Variants in BTBD9 observed in about 807,000 individuals in gnomAD.
The protein encoded by BTBD9 is BTB domain containing 9.
BTBD9 carries 49 observed loss-of-function variants against 64.3 expected under a neutral mutation model. The observed-to-expected ratio is 0.76, with a 90% CI of 0.61 to 0.97. The LOEUF (loss-of-function observed/expected upper bound fraction) is 0.97. Among genes scored for constraint, BTBD9 ranks in the 50% least tolerant of loss-of-function variants. The probability of loss-of-function intolerance (pLI) is 0.00; values close to 1 mark genes in which losing one functional copy is unlikely to be tolerated. For synonymous variants in BTBD9, 260 were observed against 274.7 expected (o/e 0.95, Z 0.53); for missense variants, 598 against 762.1 (o/e 0.78, Z 2.53).
chr6:38,512,716 C>T (rs947737793), intron 6 of BTBD9, among the ~76,000 whole-genome samples: 4 of 152,286 alleles, frequency 2.6e-5, no homozygotes, highest in East Asian at 3.9e-4. Context: ...TCTTCATTAC[C>T]TTTAAGAAGT....
At chr6:38,275,983 C>A (rs983691292) in intron 8 of BTBD9, among the ~76,000 whole-genome samples, 5 of 152,052 alleles carry the variant, frequency 3.3e-5, no homozygotes, top group African/African-American at 9.7e-5. Context: ...TTTGACCCAG[C>A]CATCCCATTA....
chr6:38,196,484 T>C (rs999497581), intron 9 of BTBD9, among the ~76,000 whole-genome samples: 2 of 152,224 alleles, frequency 1.3e-5, no homozygotes, highest in Non-Finnish European at 2.9e-5. Flanking sequence ...CAGTATATGA[T>C]TCAATGATTA....
chr6:38,562,310 C>T (rs1205535624), intron 6 of BTBD9, among the ~76,000 whole-genome samples: 1 of 152,180 alleles, frequency 6.6e-6, no homozygotes, highest in Non-Finnish European at 1.5e-5. Flanking sequence ...AGTATTTAAA[C>T]ATGCTTTAGC....
chr6:38,477,694 GAATC>G (rs1770951489), intron 6 of BTBD9, among the ~76,000 whole-genome samples: 1 of 152,218 alleles, frequency 6.6e-6, no homozygotes, highest in Non-Finnish European at 1.5e-5. Context: ...GAATAGGAAA[GAATC>G]AATGCTGATT....
chr6:38,327,358 C>T (rs917029668), intron 7 of BTBD9, among the ~76,000 whole-genome samples: 9 of 152,094 alleles, frequency 5.9e-5, no homozygotes, highest in Admixed American at 3.3e-4. Flanking sequence ...CCTGTTATAT[C>T]GGATTATGAA....
At chr6:38,527,752 A>T (rs1026535323) in intron 6 of BTBD9, among the ~76,000 whole-genome samples, 1 of 145,868 alleles carries the variant, frequency 6.9e-6, no homozygotes, top group African/African-American at 2.7e-5. Flanking sequence ...AGTCAGAATC[A>T]TAATCAGAAA....
chr6:38,178,707 G>T (rs1761395951), intron 10 of BTBD9, among the ~76,000 whole-genome samples: 1 of 150,468 alleles, frequency 6.6e-6, no homozygotes, highest in Admixed American at 6.6e-5. Flanking sequence ...AAGCCAAAGG[G>T]TGGCAACAGA....
chr6:38,195,109 C>CA (rs751430054), intron 9 of BTBD9, among the ~76,000 whole-genome samples: 23 of 152,200 alleles, frequency 1.5e-4, no homozygotes, highest in Non-Finnish European at 3.1e-4. Context: ...TGTCTCCCCC[C>CA]ATCAGATTCC....
intron 8 of BTBD9, among the ~76,000 whole-genome samples, chr6:38,268,562 C>A (rs1202486403): frequency 6.6e-6 from 1 of 152,186 alleles, no homozygotes; most frequent in Admixed American, 6.5e-5. Flanking sequence ...CACGTAATCT[C>A]TCTATTTTTG....
intron 7 of BTBD9, among the ~76,000 whole-genome samples, chr6:38,319,422 G>A (rs1169119859): frequency 6.6e-6 from 1 of 152,030 alleles, no homozygotes; most frequent in Non-Finnish European, 1.5e-5. Flanking sequence ...ATGTCTTAGA[G>A]TCTCACCCAA....
At chr6:38,605,576 TC>T (rs1777404479) in intron 1 of BTBD9, among the ~76,000 whole-genome samples, 1 of 152,218 alleles carries the variant, frequency 6.6e-6, no homozygotes, top group Non-Finnish European at 1.5e-5. Flanking sequence ...AATTAAATTC[TC>T]TCTCACAAAA....
chr6:38,435,293 T>C (rs1582424802), intron 6 of BTBD9, among the ~76,000 whole-genome samples: 1 of 151,292 alleles, frequency 6.6e-6, no homozygotes, highest in Admixed American at 6.6e-5. Flanking sequence ...CTTAGGTTTA[T>C]GGCGCAAGAC....
At chr6:38,234,976 A>G (rs888873901) in intron 9 of BTBD9, among the ~76,000 whole-genome samples, 9 of 152,208 alleles carry the variant, frequency 5.9e-5, no homozygotes, top group East Asian at 1.9e-4. Flanking sequence ...ACTTTCATAC[A>G]TGCACCCCTT....
rs189825382 is a variant in BTBD9 at position 38,209,875 on chromosome 6, C to G, written c.1563-17278G>C. 2.8e-3 allele frequency among the ~76,000 whole-genome samples: 425 copies of G among 152,286 alleles called. 3 individuals are homozygous for G. The highest frequency in any genetic ancestry group is 0.01 in the African/African-American group (416 of 41,546). ...GACTTCTGTCTGGTAAATGCACTTG[C>G]ATCTACTGCTCTAACGTAAGCCAAT... On this transcript the variant is annotated intron_variant, in intron 9 of 10. Coordinates refer to ENST00000481247, the MANE Select transcript of BTBD9 (RefSeq NM_001099272.2).
At chr6:38,311,594 T>C (rs1762837491) in intron 7 of BTBD9, among the ~76,000 whole-genome samples, 1 of 152,204 alleles carries the variant, frequency 6.6e-6, no homozygotes, top group South Asian at 2.1e-4. Flanking sequence ...TGGGTACATA[T>C]CTAAAAGTGG....
intron 6 of BTBD9, among the ~76,000 whole-genome samples, chr6:38,432,997 T>C (rs776584339): frequency 6.6e-6 from 1 of 152,004 alleles, no homozygotes; most frequent in Non-Finnish European, 1.5e-5. Flanking sequence ...CTTTTCTTTA[T>C]AAATTACCCA....
chr6:38,322,549 G>C (rs567410126), intron 7 of BTBD9, among the ~76,000 whole-genome samples: 1 of 152,224 alleles, frequency 6.6e-6, no homozygotes, highest in South Asian at 2.1e-4. Context: ...GTTTATCAAA[G>C]ACAATGAAAC....
chr6:38,435,617 T>TCCCCCCCC (rs374259496), intron 6 of BTBD9, among the ~76,000 whole-genome samples: 1 of 62,304 alleles, frequency 1.6e-5, no homozygotes, highest in African/African-American at 7.2e-5. Context: ...CTTCCTTCCC[T>TCCCCCCCC]CCCCCTCCCT....
intron 1 of BTBD9, among the ~76,000 whole-genome samples, chr6:38,627,545 T>C (rs1778213632): frequency 6.6e-6 from 1 of 152,184 alleles, no homozygotes; most frequent in Non-Finnish European, 1.5e-5. Flanking sequence ...TCTTGGCCTA[T>C]TTTGTTCACC....
Sources: gnomAD v4.1 joint callset for allele counts (sites outside exome capture counted in the v4.1 genomes callset) on GRCh38, gnomAD v4.1.1 for gene constraint, MANE v1.5 for transcripts, NCBI Gene and HGNC (gene_info 2026-07-23, HGNC 2026-07-21) for gene names.